APLF: variants seen among roughly 807,000 people sequenced by gnomAD.
APLF encodes aprataxin and PNKP like factor.
Under a neutral mutation model 55.6 loss-of-function variants are expected in APLF, and 61 were observed. That is an observed-to-expected ratio of 1.10 (90% confidence interval 0.89 to 1.36). APLF has a LOEUF of 1.36. Ranked by LOEUF, APLF falls within the 40% of genes most tolerant of loss-of-function variation. The pLI is 0.00. For synonymous variants in APLF, 207 were observed against 214.8 expected, an observed-to-expected ratio of 0.96 and a Z score of 0.32; for missense variants, 611 against 602.5, an observed-to-expected ratio of 1.01 and a Z score of -0.15.
At chr2:68,470,563 T>G (rs1227698291) in intron 1 of APLF, among the ~76,000 whole-genome samples, 1 of 152,220 alleles carries the variant, frequency 6.6e-6, no homozygotes, top group East Asian at 1.9e-4. Flanking sequence ...TAAAAGGGTT[T>G]TACAGTACGA....
At chr2:68,468,345 A>G (rs768883939) in intron 1 of APLF, among the ~76,000 whole-genome samples, 13 of 152,182 alleles carry the variant, frequency 8.5e-5, no homozygotes, top group Admixed American at 3.3e-4. Flanking sequence ...TGTGGACCTT[A>G]TTTATTTATA....
rs577821794 is a variant in APLF at position 68,539,584 on chromosome 2, G to A, written c.1160+1357G>A. On this transcript the variant is annotated intron_variant, in intron 7 of 9. Transcript: ENST00000303795. ...CAAATTAGTCACACTGGAAATTAGG[G>A]CTTCAACATATGAATTTTGGGAGGT... 9.9e-5 allele frequency among the ~76,000 whole-genome samples: 15 copies of A among 152,224 alleles called. 1 individual carries two copies. In the South Asian group the frequency reaches 2.9e-3, roughly 29 times the overall value.
intron 5 of APLF, among the ~76,000 whole-genome samples, chr2:68,517,023 A>ATATTAATATATAATATATAATAACATGT (rs1158848117): frequency 1.9e-5 from 2 of 103,492 alleles, no homozygotes; most frequent in African/African-American, 8.0e-5. Context: ...ATATAATAAT[A>ATATTAATATATAATATATAATAACATGT]TATTAATATA....
chr2:68,475,816 G>A (rs1675753538), intron 1 of APLF, among the ~76,000 whole-genome samples: 1 of 151,952 alleles, frequency 6.6e-6, no homozygotes, highest in Non-Finnish European at 1.5e-5. Context: ...AAGATATCTA[G>A]ATAAGACAAT....
At chr2:68,524,230 C>T (rs1669970117) in intron 5 of APLF, among the ~76,000 whole-genome samples, 1 of 152,090 alleles carries the variant, frequency 6.6e-6, no homozygotes, top group Non-Finnish European at 1.5e-5. Context: ...ATGATATGAA[C>T]TATTTTCTAA....
chr2:68,496,805 ACCT>A (rs1377562040), intron 2 of APLF, among the ~76,000 whole-genome samples: 1 of 152,040 alleles, frequency 6.6e-6, no homozygotes, highest in Non-Finnish European at 1.5e-5. Flanking sequence ...TCCATCTGAG[ACCT>A]CCTTAGCCTG....
At chr2:68,515,091 C>G (rs571914289) in intron 5 of APLF, among the ~76,000 whole-genome samples, 115 of 151,804 alleles carry the variant, frequency 7.6e-4, no homozygotes, top group Non-Finnish European at 1.2e-3. Context: ...ATATTATGTA[C>G]AGAATATATC....
intron 3 of APLF, among the ~76,000 whole-genome samples, chr2:68,509,582 G>A (rs1558535835): frequency 6.6e-6 from 1 of 152,080 alleles, no homozygotes; most frequent in Non-Finnish European, 1.5e-5. Flanking sequence ...GTGCTGGAGA[G>A]GGTGTGGAGA....
In APLF at chr2:68,467,632, G is replaced by GT. The variant is rs1316368657; in HGVS notation, c.-94dup. 9.6e-7 allele frequency: 1 copy of GT among 1,044,956 alleles called. No individual in the cohort carries two copies. The highest frequency in any genetic ancestry group is 1.6e-5 in the African/African-American group (1 of 60,870). The allele number at this position is 1,044,956 out of a possible 1,614,324, so 64.7% of individuals were successfully genotyped here. ...GGAGCCTTTGAGGCCCTCCCTCGGTGTTTTTTCCCAGGGCGTGGGCTTGCC... is the reference window on the plus strand; with the variant it reads ...GGAGCCTTTGAGGCCCTCCCTCGGTGTTTTTTTCCCAGGGCGTGGGCTTGCC... On this transcript the variant is annotated 5_prime_UTR_variant, in exon 1 of 10. Transcript: ENST00000303795.
At chr2:68,563,309 A>G (rs1306149253) in intron 8 of APLF, 3 of 983,942 alleles carry the variant, frequency 3.0e-6, no homozygotes, top group Admixed American at 6.2e-5. Context: ...TTCACATTAC[A>G]TTTTCTGCTC....
chr2:68,488,634 C>T (rs1419883686), intron 1 of APLF, among the ~76,000 whole-genome samples: 1 of 152,006 alleles, frequency 6.6e-6, no homozygotes, highest in Non-Finnish European at 1.5e-5. Context: ...CTGCCTATTA[C>T]CTATTTTTAT....
chr2:68,530,760 A>G (rs1447164723), intron 6 of APLF, among the ~76,000 whole-genome samples: 1 of 152,050 alleles, frequency 6.6e-6, no homozygotes, highest in Non-Finnish European at 1.5e-5. Context: ...AGAGGGACAT[A>G]CTCTTGGGTG....
chr2:68,572,221 A>C (rs1386176688), intron 9 of APLF, among the ~76,000 whole-genome samples: 2 of 152,128 alleles, frequency 1.3e-5, no homozygotes, highest in African/African-American at 4.8e-5. Flanking sequence ...AATGAACTTT[A>C]TATATAATAA....
intron 6 of APLF, among the ~76,000 whole-genome samples, chr2:68,531,707 G>A (rs1283511188): frequency 6.6e-6 from 1 of 152,180 alleles, no homozygotes; most frequent in African/African-American, 2.4e-5. Flanking sequence ...GTCAATTGAC[G>A]TTGCCTTTTT....
intron 3 of APLF, among the ~76,000 whole-genome samples, chr2:68,509,209 A>G (rs562581771): frequency 3.4e-4 from 51 of 152,162 alleles, no homozygotes; most frequent in Non-Finnish European, 7.1e-4. Context: ...ACAAAAGCCA[A>G]AATTGACAAA....
intron 1 of APLF, among the ~76,000 whole-genome samples, chr2:68,469,766 G>GCGAA (rs1558523596): frequency 6.6e-6 from 1 of 152,182 alleles, no homozygotes; most frequent in Non-Finnish European, 1.5e-5. Flanking sequence ...TTGTGAGAGA[G>GCGAA]CGAAGACTGA....
intron 1 of APLF, among the ~76,000 whole-genome samples, chr2:68,470,359 A>G (rs1675579227): frequency 6.6e-6 from 1 of 152,210 alleles, no homozygotes; most frequent in African/African-American, 2.4e-5. Context: ...AAATAGCAAC[A>G]TGAGGGATAT....
chr2:68,480,051 A>G (rs1265606827), intron 1 of APLF, among the ~76,000 whole-genome samples: 1 of 152,164 alleles, frequency 6.6e-6, no homozygotes, highest in Non-Finnish European at 1.5e-5. Flanking sequence ...AATATGTGTT[A>G]ATCAATCATT....
At chr2:68,499,429 A>T (rs1195948912) in intron 2 of APLF, among the ~76,000 whole-genome samples, 1 of 152,332 alleles carries the variant, frequency 6.6e-6, no homozygotes, top group Admixed American at 6.5e-5. Flanking sequence ...TTGAATATTC[A>T]GAAAAATCTT....
Sources: gnomAD v4.1 joint callset for allele counts (sites outside exome capture counted in the v4.1 genomes callset) on GRCh38, gnomAD v4.1.1 for gene constraint, MANE v1.5 for transcripts, NCBI Gene and HGNC (gene_info 2026-07-23, HGNC 2026-07-21) for gene names.